Variants in WDR62 observed in about 807,000 individuals in gnomAD.
The protein encoded by WDR62 is WD repeat domain 62.
In WDR62, 112 loss-of-function variants were observed where a neutral mutation model predicts 160.6. That is an observed-to-expected ratio of 0.70 (90% confidence interval 0.60 to 0.82). The LOEUF is 0.82. Among genes scored for constraint, WDR62 ranks in the 40% least tolerant of loss-of-function variants. WDR62 has a pLI of 0.00. For missense variants in WDR62, 1,819 were observed against 1,983.8 expected (o/e 0.92, Z 1.58); for synonymous variants, 792 against 815.1 (o/e 0.97, Z 0.48).
At chr19:36,106,439 G>A (rs1028014009), downstream of WDR62, among the ~76,000 whole-genome samples, 2 of 151,592 alleles carry the variant, frequency 1.3e-5, no homozygotes, top group African/African-American at 2.4e-5. Flanking sequence ...ATCAGGCAAC[G>A]CACCTGCCCT....
In WDR62 at chr19:36,103,641, G is replaced by A. The variant is rs1426289100; in HGVS notation, c.3813G>A (p.Ala1271=). 9.9e-6 allele frequency: 16 copies of A among 1,608,706 alleles called. No individual in the cohort carries two copies. The highest frequency in any genetic ancestry group is 6.7e-5 in the African/African-American group (5 of 74,286). ...AGGAGCTTCAGGCCATCACCACCGC[G>A]ACAACACCCAGTTTGGACAGTGAGG... ...LGQELQAITT[A]TTPSLDSEGQ... Residue 1271 remains alanine, a synonymous_variant, in exon 30 of 32, where the codon GCG becomes GCA. Coordinates refer to ENST00000401500, the MANE Select transcript of WDR62 (RefSeq NM_001083961.2).
rs143452829 is a variant in WDR62 at position 36,082,783 on chromosome 19, C to T, written c.1372-280C>T. Among the ~76,000 whole-genome samples, 249 of 152,332 alleles carry T rather than the reference C, an allele frequency of 1.6e-3. 3 individuals are homozygous for T. The highest frequency in any genetic ancestry group is 5.6e-3 in the African/African-American group (232 of 41,564). ...GCTATGTCCTCATGACCCAGTGTGG[C>T]TATGGGGGCTCCTGCTATCATATCT... On this transcript the variant is annotated intron_variant, in intron 10 of 31. Coordinates refer to ENST00000401500, the MANE Select transcript of WDR62 (RefSeq NM_001083961.2).
Position 36,067,860 on chromosome 19 carries a change from G to A in WDR62, c.732G>A (p.Ser244=), listed in dbSNP as rs201573084. The change falls in exon 7 of 32, where the codon TCG becomes TCA. Residue 244 remains serine, a synonymous_variant. Transcript: ENST00000401500. ...GCACAGTGCCCCTTGTAGGGCGCTC[G>A]GGCATCCTGGGCGAGCTGCACAACA... ...VTSTVPLVGR[S]GILGELHNNI... 55 of 1,614,188 alleles carry A rather than the reference G, an allele frequency of 3.4e-5. No homozygotes were observed. Among genetic ancestry groups the A allele is most frequent in the East Asian group, 3.1e-4 (14 of 44,884 alleles).
In WDR62 at chr19:36,101,437, TGTG is replaced by T. The variant is rs1268388932; in HGVS notation, c.2971+123_2971+125del. 1.1e-4 allele frequency: 108 copies of T among 975,040 alleles called. 2 individuals are homozygous for T. The East Asian group carries it at 2.7e-3, about 25-fold the overall frequency. The allele number at this position is 975,040 out of a possible 1,614,324, so 60.4% of individuals were successfully genotyped here. ...CTCAGAGTCTGTCGAGGAAGACACA[TGTG>T]GTCCCTGCTGCTGCCTGAGGATTCT... On this transcript the variant is annotated intron_variant, in intron 24 of 31. Transcript: ENST00000401500.
rs58514789 is a variant in WDR62 at position 36,104,406 on chromosome 19, A to G, written c.4154-112A>G. On this transcript the variant is annotated intron_variant, in intron 30 of 31. Transcript: ENST00000401500. ...GAGTGAAGGGGAGGGAGCCTTGGGG[A>G]CCCAGAGAAGTGTTCCAGACAGAAG... 12,111 of 1,381,004 alleles carry G rather than the reference A, an allele frequency of 8.8e-3. 133 individuals are homozygous for G. Among genetic ancestry groups the G allele is most frequent in the South Asian group, 0.04 (3,016 of 76,218 alleles). The allele number at this position is 1,381,004 out of a possible 1,614,324, so 85.5% of individuals were successfully genotyped here.
intron 19 of WDR62, 129 bp downstream of exon 19, chr19:36,092,940 G>A: frequency 7.4e-7 from 1 of 1,356,796 alleles, no homozygotes; most frequent in South Asian, 1.2e-5. Context: ...CAGCTGAGTA[G>A]GGGAGACAGA....
At chr19:36,093,055 T>C (rs1972730336) in intron 19 of WDR62, among the ~76,000 whole-genome samples, 1 of 152,274 alleles carries the variant, frequency 6.6e-6, no homozygotes, top group South Asian at 2.1e-4. Context: ...CAGGCTTGTC[T>C]TGAACTCCTG....
chr19:36,073,195 GA>G (rs1971390847), intron 8 of WDR62, 146 bp from the exon 9 acceptor site: 2 of 834,632 alleles, frequency 2.4e-6, no homozygotes, highest in Non-Finnish European at 2.0e-6. Flanking sequence ...AGGGAAGAGG[GA>G]AAAGTAGAAT....
chr19:36,094,301 C>T, intron 20 of WDR62, 137 bp downstream of exon 20: 1 of 1,153,748 alleles, frequency 8.7e-7, no homozygotes, highest in Non-Finnish European at 1.2e-6. Flanking sequence ...TACCTGTAAT[C>T]CCAGCACTTT....
At chr19:36,075,440 T>C (rs1971524860) in intron 9 of WDR62, 1 of 149,340 alleles carries the variant, frequency 6.7e-6, no homozygotes, top group Admixed American at 6.6e-5. Context: ...TATCAATTAT[T>C]GTTAGCAGCT....
chr19:36,082,582 T>A (rs571735173), intron 10 of WDR62, among the ~76,000 whole-genome samples: 139 of 152,350 alleles, frequency 9.1e-4, no homozygotes, highest in Admixed American at 1.5e-3. Context: ...CCTCTGTACC[T>A]GTGACATACA....
intron 3 of WDR62, chr19:36,061,479 A>G (rs2145541999): frequency 6.6e-6 from 1 of 152,330 alleles, no homozygotes; most frequent in Non-Finnish European, 1.5e-5. Flanking sequence ...AAAAATCCAA[A>G]TGTCCCTTTT....
Position 36,069,612 on chromosome 19 carries a change from C to G in WDR62, c.882+1602C>G, listed in dbSNP as rs559160242. 7.9e-5 allele frequency among the ~76,000 whole-genome samples: 12 copies of G among 152,372 alleles called. No individual in the cohort carries two copies. The East Asian group carries it at 1.9e-3, about 25-fold the overall frequency. On this transcript the variant is annotated intron_variant, in intron 7 of 31. Coordinates refer to ENST00000401500, the MANE Select transcript of WDR62 (RefSeq NM_001083961.2). ...GTGGCGGCCGGGCAGAGGCTGCAATCTCGGCACTTTGGGAGGCCAAGGCAG... is the reference window on the plus strand; with the variant it reads ...GTGGCGGCCGGGCAGAGGCTGCAATGTCGGCACTTTGGGAGGCCAAGGCAG...
chr19:36,104,628 C>CTG lies in WDR62; in HGVS notation c.4264_4265insTG (p.His1422LeufsTer116), dbSNP rs766589372. 3.7e-6 allele frequency: 6 copies of CTG among 1,614,120 alleles called. No homozygotes were observed. Among genetic ancestry groups the CTG allele is most frequent in the Non-Finnish European group, 4.2e-6 (5 of 1,180,034 alleles). ...GCTGAGCAGGGTGGGGAACATCTTGCACAGGCTGCAGACCACCTTCCAAGA... is the reference window on the plus strand; with the variant it reads ...GCTGAGCAGGGTGGGGAACATCTTGCTGACAGGCTGCAGACCACCTTCCAAGA... On this transcript the variant is annotated frameshift_variant, in exon 31 of 32. Coordinates refer to ENST00000401500, the MANE Select transcript of WDR62 (RefSeq NM_001083961.2). LOFTEE classifies it low-confidence loss of function (END_TRUNC).
Position 36,103,509 on chromosome 19 carries a change from G to T in WDR62, c.3681G>T (p.Arg1227Ser). 7 of 1,614,130 alleles carry T rather than the reference G, an allele frequency of 4.3e-6. No homozygotes were observed. The highest frequency in any genetic ancestry group is 5.9e-6 in the Non-Finnish European group (7 of 1,180,032). ...YMEATASSRA[R>S]ISRSISLGDS... is the part of the protein sequence containing the mutation. ...AGGCCACTGCCAGCTCCCGTGCCAG[G>T]ATATCACGCAGCATCTCCCTCGGTG... The change falls in exon 30 of 32, where the codon AGG becomes AGT. Residue 1227 changes from arginine (R) to serine (S), a missense_variant. This residue lies in a region of WDR62 where 770 missense variants were observed against 734.2 expected (regional missense o/e 1.05). Coordinates refer to ENST00000401500, the MANE Select transcript of WDR62 (RefSeq NM_001083961.2).
In WDR62 at chr19:36,103,842, G is replaced by T; in HGVS notation, c.4014G>T (p.Arg1338Ser). The T allele has an allele frequency of 6.2e-7, 1 of 1,604,784 alleles. No homozygotes were observed. Among genetic ancestry groups the T allele is most frequent in the Non-Finnish European group, 8.5e-7 (1 of 1,179,610 alleles). Residue 1338 changes from arginine to serine, a missense_variant, in exon 30 of 32, where the codon AGG becomes AGT. Arg to Ser is a moderately radical substitution (Grantham distance 110). Transcript: ENST00000401500. ...APSPVEESAL[R>S]LHGSAFRPSL... ...GCCCTGTGGAAGAGAGCGCCCTGAG[G>T]CTCCACGGCTCTGCCTTTCGCCCAA...
At chr19:36,076,234 A>G (rs947929006) in intron 9 of WDR62, among the ~76,000 whole-genome samples, 6 of 151,678 alleles carry the variant, frequency 4.0e-5, no homozygotes, top group African/African-American at 1.5e-4. Flanking sequence ...GTCACACATC[A>G]GGAATCAACC....
intron 18 of WDR62, 70 bp from the exon 19 acceptor site, chr19:36,092,619 G>C: frequency 6.2e-7 from 1 of 1,603,246 alleles, no homozygotes; most frequent in Non-Finnish European, 8.5e-7. Context: ...GTGGCTTCAG[G>C]GTCAGCCACG....
At chr19:36,066,554 G>A (rs1245015914) in intron 5 of WDR62, 127 bp downstream of exon 5, 7 of 1,017,190 alleles carry the variant, frequency 6.9e-6, no homozygotes, top group African/African-American at 1.6e-5. Context: ...AACAGCTATT[G>A]AGCACCTGTG....
Sources: gnomAD v4.1 joint callset for allele counts (sites outside exome capture counted in the v4.1 genomes callset) on GRCh38, gnomAD v4.1.1 for gene constraint, gnomAD v4.1.1 regional missense constraint, MANE v1.5 for transcripts, NCBI Gene and HGNC (gene_info 2026-07-23, HGNC 2026-07-21) for gene names.